Variants in UNC13C observed in about 807,000 individuals in gnomAD.
The protein encoded by UNC13C is protein unc-13 homolog C.
UNC13C carries 174 observed loss-of-function variants against 245.4 expected under a neutral mutation model. That is an observed-to-expected ratio of 0.71 (90% CI 0.63 to 0.80). The LOEUF (loss-of-function observed/expected upper bound fraction) is 0.80. Among genes scored for constraint, UNC13C ranks in the 30% least tolerant of loss-of-function variants. The probability of loss-of-function intolerance (pLI) is 0.00; values close to 1 mark genes in which losing one functional copy is unlikely to be tolerated. For synonymous variants in UNC13C, 992 were observed against 895.1 expected (o/e 1.11, Z -1.93); for missense variants, 2,829 against 2,602.9 (o/e 1.09, Z -1.89).
chr15:53,909,847 A>AT, the UNC13C span, among the ~76,000 whole-genome samples: 1 of 146,562 alleles, frequency 6.8e-6, no homozygotes, highest in Non-Finnish European at 1.5e-5. Flanking sequence ...AAGTGGACAT[A>AT]TTTTTTAAGA....
At chr15:53,939,914 G>T in the UNC13C span, among the ~76,000 whole-genome samples, 1 of 152,108 alleles carries the variant, frequency 6.6e-6, no homozygotes, top group South Asian at 2.1e-4. Context: ...CTTACAAGAT[G>T]ATGGGTTTAT....
In UNC13C at chr15:54,500,926, T is replaced by C; in HGVS notation, c.5249T>C (p.Leu1750Pro). ...CAGAGCTTTGAAATTATTAAGAAAC[T>C]GGAATGCCCTAATCCTGAAGCATTA... ...LNQSFEIIKK[L>P]ECPNPEALSH... Residue 1750 changes from leucine to proline, a missense_variant, in exon 22 of 33, where the codon CTG becomes CCG. Transcript: ENST00000260323. The C allele has an allele frequency of 6.2e-7, 1 of 1,613,076 alleles. No homozygotes were observed. The highest frequency in any genetic ancestry group is 8.5e-7 in the Non-Finnish European group (1 of 1,179,270).
At chr15:53,961,499 G>T in the UNC13C span, among the ~76,000 whole-genome samples, 1 of 152,196 alleles carries the variant, frequency 6.6e-6, no homozygotes, top group Non-Finnish European at 1.5e-5. Flanking sequence ...GGTGCACAGT[G>T]GTTAAGAGCG....
At chr15:54,456,974 C>T (rs1164049315) in intron 19 of UNC13C, among the ~76,000 whole-genome samples, 8 of 152,078 alleles carry the variant, frequency 5.3e-5, no homozygotes, top group Non-Finnish European at 7.4e-5. Flanking sequence ...AGATGGAATG[C>T]TTTCAACTTT....
chr15:54,343,933 C>G (rs1158445191), intron 17 of UNC13C, among the ~76,000 whole-genome samples: 1 of 152,130 alleles, frequency 6.6e-6, no homozygotes, highest in Non-Finnish European at 1.5e-5. Context: ...GGGATTCTTG[C>G]TGAAGGCAGA....
At chr15:54,028,804 C>T (rs1364908018) in intron 2 of UNC13C, among the ~76,000 whole-genome samples, 2 of 150,026 alleles carry the variant, frequency 1.3e-5, no homozygotes, top group Admixed American at 6.8e-5. Flanking sequence ...TCTTCTCCTG[C>T]CTCAGCCTCC....
intron 4 of UNC13C, among the ~76,000 whole-genome samples, chr15:54,169,722 C>G (rs1295889140): frequency 1.3e-5 from 2 of 152,038 alleles, no homozygotes; most frequent in Non-Finnish European, 2.9e-5. Context: ...TTTGGAGAGC[C>G]CTTTGGGACA....
At chr15:54,218,747 G>A (rs924237978) in intron 4 of UNC13C, among the ~76,000 whole-genome samples, 8 of 151,892 alleles carry the variant, frequency 5.3e-5, no homozygotes, top group African/African-American at 9.7e-5. Context: ...GAAAAGCTGG[G>A]CCATTAGGTC....
chr15:54,008,730 T>C (rs1895250828), intron 1 of UNC13C, among the ~76,000 whole-genome samples: 1 of 152,146 alleles, frequency 6.6e-6, no homozygotes, highest in Admixed American at 6.5e-5. Context: ...GGAGTAGGTA[T>C]GTGGGTTTGT....
intron 2 of UNC13C, among the ~76,000 whole-genome samples, chr15:54,018,282 T>C (rs1310232144): frequency 6.6e-6 from 1 of 152,228 alleles, no homozygotes. Context: ...TATCACGAGG[T>C]AGCAGTGCTG....
chr15:54,086,461 T>C (rs1207516603), intron 2 of UNC13C, among the ~76,000 whole-genome samples: 1 of 152,144 alleles, frequency 6.6e-6, no homozygotes, highest in Non-Finnish European at 1.5e-5. Flanking sequence ...ATGATAAAAT[T>C]GAGGCTGCTC....
intron 2 of UNC13C, among the ~76,000 whole-genome samples, chr15:54,064,248 C>G (rs1303958365): frequency 6.6e-6 from 1 of 152,152 alleles, no homozygotes; most frequent in African/African-American, 2.4e-5. Context: ...ATCTATGGCT[C>G]CATGATCTTG....
At chr15:54,238,000 G>A (rs529440021) in intron 7 of UNC13C, among the ~76,000 whole-genome samples, 8 of 151,014 alleles carry the variant, frequency 5.3e-5, no homozygotes, top group South Asian at 2.1e-4. Context: ...CCTCTTTTAC[G>A]AGGTTTTCCC....
intron 26 of UNC13C, among the ~76,000 whole-genome samples, chr15:54,540,070 ACTTAAAAGCCACTGCATAGGGGAGATG>A (rs1315681708): frequency 2.0e-5 from 3 of 152,128 alleles, no homozygotes; most frequent in Non-Finnish European, 4.4e-5. Context: ...AGAATGCATA[ACTTAAAAGCCACTGCATAGGGGAGATG>A]CTTAAAAGCC....
rs937972744 is a variant in UNC13C, at chr15:54,482,955, T to A, written c.4934-11653T>A. ...TAGTTTATTAATTGTTATTAATTTA[T>A]AAAAATCATTTGAATATTAAGAAAA... On this transcript the variant is annotated intron_variant, in intron 19 of 32. Coordinates refer to ENST00000260323, the MANE Select transcript of UNC13C (RefSeq NM_001080534.3). Among the ~76,000 whole-genome samples the A allele has an allele frequency of 3.3e-5, 5 of 152,336 alleles. No homozygotes were observed. In the South Asian group the frequency reaches 6.2e-4, roughly 19 times the overall value.
At chr15:53,857,186 C>G in the UNC13C span, among the ~76,000 whole-genome samples, 39 of 152,274 alleles carry the variant, frequency 2.6e-4, no homozygotes, top group Non-Finnish European at 5.0e-4. Context: ...TGTGGTCACA[C>G]TGGAGTCTCT....
intron 10 of UNC13C, among the ~76,000 whole-genome samples, chr15:54,283,343 A>G (rs1201888356): frequency 3.3e-5 from 5 of 152,206 alleles, no homozygotes. Flanking sequence ...ATAAATATAT[A>G]TACAAAAGAA....
chr15:54,179,566 A>G (rs1015325808), intron 4 of UNC13C, among the ~76,000 whole-genome samples: 4 of 152,102 alleles, frequency 2.6e-5, no homozygotes, highest in East Asian at 1.9e-4. Context: ...AGATAGTTCA[A>G]TACATCTAAA....
intron 17 of UNC13C, among the ~76,000 whole-genome samples, chr15:54,386,061 C>A (rs575759503): frequency 6.6e-6 from 1 of 152,182 alleles, no homozygotes; most frequent in African/African-American, 2.4e-5. Context: ...ATATATAACA[C>A]AAAATAAAAG....
Sources: gnomAD v4.1 joint callset for allele counts (sites outside exome capture counted in the v4.1 genomes callset) on GRCh38, gnomAD v4.1.1 for gene constraint, MANE v1.5 for transcripts, NCBI Gene and HGNC (gene_info 2026-07-23, HGNC 2026-07-21) for gene names.